The following ATP2B4 variants were observed in gnomAD, a reference collection of about 807,000 sequenced individuals.
ATP2B4 encodes the protein ATPase plasma membrane Ca2+ transporting 4, also known as plasma membrane calcium-transporting ATPase 4.
A neutral mutation model predicts 110.3 loss-of-function variants in ATP2B4; 39 were observed. The observed-to-expected ratio is 0.35, with a 90% CI of 0.27 to 0.46. ATP2B4 has a LOEUF of 0.46. Ranked by LOEUF, ATP2B4 falls within the 20% of genes least tolerant of loss-of-function variation. The pLI, the probability that ATP2B4 is intolerant of heterozygous loss-of-function variation, is 1.00. For missense variants in ATP2B4, 1,135 were observed against 1,530.9 expected (o/e 0.74, Z 4.32); for synonymous variants, 538 against 571.7 (o/e 0.94, Z 0.84).
intron 9 of ATP2B4, among the ~76,000 whole-genome samples, 185 bp from the exon 10 acceptor site, chr1:203,707,677 C>T (rs1295546196): frequency 6.6e-6 from 1 of 152,046 alleles, no homozygotes; most frequent in Non-Finnish European, 1.5e-5. Flanking sequence ...GTGATCTGCC[C>T]GTCTCAGCCT....
intron 1 of ATP2B4, among the ~76,000 whole-genome samples, chr1:203,641,836 C>T (rs1663639881): frequency 6.6e-6 from 1 of 152,204 alleles, no homozygotes; most frequent in African/African-American, 2.4e-5. Context: ...AGATAAGCTC[C>T]ATGAGAGCAA....
intron 1 of ATP2B4, among the ~76,000 whole-genome samples, chr1:203,677,715 C>T (rs547257356): frequency 6.6e-5 from 10 of 152,286 alleles, no homozygotes; most frequent in East Asian, 5.8e-4. Context: ...CCGCCCACCT[C>T]GGCCTCCCAA....
intron 20 of ATP2B4, among the ~76,000 whole-genome samples, chr1:203,732,587 C>T (rs971325722): frequency 6.6e-6 from 1 of 152,098 alleles, no homozygotes; most frequent in African/African-American, 2.4e-5. Flanking sequence ...TTTATTTAAA[C>T]ACATGAGTTA....
intron 1 of ATP2B4, among the ~76,000 whole-genome samples, chr1:203,627,807 G>T (rs969303838): frequency 6.6e-6 from 1 of 152,154 alleles, no homozygotes; most frequent in African/African-American, 2.4e-5. Context: ...GGGAAGGAGA[G>T]TGCACGAATT....
intron 7 of ATP2B4, among the ~76,000 whole-genome samples, chr1:203,703,118 T>C (rs1665741715): frequency 6.6e-6 from 1 of 151,580 alleles, no homozygotes; most frequent in South Asian, 2.1e-4. Flanking sequence ...TAGAAGGGGC[T>C]GGAAAATACC....
intron 1 of ATP2B4, among the ~76,000 whole-genome samples, chr1:203,634,916 A>G (rs1663392804): frequency 6.6e-6 from 1 of 152,134 alleles, no homozygotes; most frequent in Non-Finnish European, 1.5e-5. Context: ...CACCTGCTTC[A>G]GCTTCCCAAA....
chr1:203,733,849 G>A (rs1666804542), intron 20 of ATP2B4, among the ~76,000 whole-genome samples: 1 of 152,130 alleles, frequency 6.6e-6, no homozygotes, highest in African/African-American at 2.4e-5. Context: ...CTTTACATGG[G>A]GGCAAAGTTT....
At chr1:203,737,899 C>T (rs986200113) in intron 20 of ATP2B4, among the ~76,000 whole-genome samples, 1 of 152,048 alleles carries the variant, frequency 6.6e-6, no homozygotes, top group African/African-American at 2.4e-5. Context: ...CCAGAGAAAA[C>T]GGACCAACAG....
At chr1:203,641,918 A>G (rs149731589) in intron 1 of ATP2B4, among the ~76,000 whole-genome samples, 6 of 152,338 alleles carry the variant, frequency 3.9e-5, no homozygotes, top group African/African-American at 1.4e-4. Context: ...AGTACTCAAT[A>G]AAAAGTTATT....
At position 203,672,324 on chromosome 1, in the gene ATP2B4, C is replaced by CTTTT. The variant is rs57144862; in HGVS notation, c.-464-10389_-464-10386dup. Among the ~76,000 whole-genome samples, 105 of 79,564 alleles carry CTTTT rather than the reference C, an allele frequency of 1.3e-3. 5 individuals are homozygous for CTTTT. Among genetic ancestry groups the CTTTT allele is most frequent in the Middle Eastern group, 8.5e-3 (1 of 118 alleles). 52.2% of individuals were successfully genotyped at this position (79,564 alleles called of 152,430 possible). A position where few individuals can be genotyped will look rare whatever the true frequency, so the allele number is the denominator to read the frequency against. Reference sequence around the variant, plus strand: ...TGTTCCTGAGTAAGTTGCGGTGGCTCTTTTTTTTTTTTTTTTTTTTTTTTT... The same window carrying CTTTT: ...TGTTCCTGAGTAAGTTGCGGTGGCTCTTTTTTTTTTTTTTTTTTTTTTTTTTTTT... On this transcript the variant is annotated intron_variant, in intron 1 of 20. Transcript: ENST00000357681.
chr1:203,711,821 A>T (rs1393094349), intron 12 of ATP2B4, 139 bp from the exon 13 acceptor site: 1 of 925,750 alleles, frequency 1.1e-6, no homozygotes, highest in Admixed American at 2.4e-5. Context: ...TATCAAAATG[A>T]CCAGACCTAG....
intron 1 of ATP2B4, among the ~76,000 whole-genome samples, chr1:203,633,713 G>GATAAATAAATAAATAAATAA (rs59277643): frequency 2.2e-4 from 32 of 144,468 alleles, no homozygotes; most frequent in South Asian, 6.7e-4. Flanking sequence ...CTCCATATCA[G>GATAAATAAATAAATAAATAA]ATAAATAAAT....
intron 1 of ATP2B4, among the ~76,000 whole-genome samples, chr1:203,639,086 GCCT>G (rs1663550721): frequency 6.6e-6 from 1 of 152,106 alleles, no homozygotes; most frequent in African/African-American, 2.4e-5. Flanking sequence ...CTCAGGGTGT[GCCT>G]CCTCCAAAAG....
At chr1:203,676,840 G>A (rs1216820294) in intron 1 of ATP2B4, among the ~76,000 whole-genome samples, 1 of 152,074 alleles carries the variant, frequency 6.6e-6, no homozygotes, top group Non-Finnish European at 1.5e-5. Flanking sequence ...GGAGGACAAG[G>A]GGGAAGGGAG....
intron 20 of ATP2B4, among the ~76,000 whole-genome samples, chr1:203,732,570 CCT>C (rs796688833): frequency 1.3e-5 from 2 of 152,000 alleles, no homozygotes; most frequent in Admixed American, 6.6e-5. Flanking sequence ...CTAAATGGCC[CCT>C]GTTTTTTATT....
intron 7 of ATP2B4, among the ~76,000 whole-genome samples, 180 bp downstream of exon 7, chr1:203,702,259 A>G (rs1665717169): frequency 6.6e-6 from 1 of 152,070 alleles, no homozygotes; most frequent in African/African-American, 2.4e-5. Context: ...TCCTGATCCC[A>G]ATCTAAGATG....
At chr1:203,627,412 G>A (rs1228302301) in intron 1 of ATP2B4, among the ~76,000 whole-genome samples, 193 bp downstream of exon 1, 1 of 152,158 alleles carries the variant, frequency 6.6e-6, no homozygotes, top group Non-Finnish European at 1.5e-5. Context: ...TCAGTTCTGA[G>A]AAACCATATA....
chr1:203,733,470 A>G, intron 20 of ATP2B4: 2 of 1,404,364 alleles, frequency 1.4e-6, no homozygotes, highest in East Asian at 5.1e-5. Context: ...CATCCACTTT[A>G]ACCAACCATG....
chr1:203,680,102 T>C (rs1358428878), intron 1 of ATP2B4, among the ~76,000 whole-genome samples: 1 of 151,066 alleles, frequency 6.6e-6, no homozygotes, highest in Non-Finnish European at 1.5e-5. Context: ...TGACTCAGAC[T>C]GTCTTTTCTA....
Sources: gnomAD v4.1 joint callset for allele counts (sites outside exome capture counted in the v4.1 genomes callset) on GRCh38, gnomAD v4.1.1 for gene constraint, MANE v1.5 for transcripts, NCBI Gene and HGNC (gene_info 2026-07-23, HGNC 2026-07-21) for gene names.